SGCG: variants seen among roughly 807,000 people sequenced by gnomAD.
SGCG encodes gamma-sarcoglycan.
In SGCG, 26 loss-of-function variants were observed where a neutral mutation model predicts 29.3. The observed-to-expected ratio is 0.89, with a 90% confidence interval of 0.65 to 1.23. The LOEUF is 1.23. Among genes scored for constraint, SGCG ranks in the 50% most tolerant of loss-of-function variants. SGCG has a pLI of 0.00. For missense variants in SGCG, 353 were observed against 356.0 expected (o/e 0.99, Z 0.07); for synonymous variants, 145 against 129.7 (o/e 1.12, Z -0.80).
chr13:23,181,977 G>A (rs771764533), intron 1 of SGCG, among the ~76,000 whole-genome samples: 49 of 152,110 alleles, frequency 3.2e-4, no homozygotes, highest in Non-Finnish European at 6.5e-4. Flanking sequence ...AATGCTACAA[G>A]TTGGGGTTCG....
At chr13:23,319,527 T>A (rs1189683310) in intron 6 of SGCG, among the ~76,000 whole-genome samples, 1 of 152,138 alleles carries the variant, frequency 6.6e-6, no homozygotes. Flanking sequence ...TAAAAAAAAC[T>A]TGCCAATTCA....
At chr13:23,161,364 T>G in the SGCG span, among the ~76,000 whole-genome samples, 7 of 152,252 alleles carry the variant, frequency 4.6e-5, no homozygotes, top group Non-Finnish European at 1.0e-4. Context: ...AGTTGATCTG[T>G]GAAACATCTA....
At chr13:23,248,034 GAAGGCCAAA>G (rs113098964) in intron 3 of SGCG, among the ~76,000 whole-genome samples, 36,424 of 150,532 alleles carry the variant, frequency 0.24, 4,674 homozygotes, top group South Asian at 0.39. Flanking sequence ...CAGCACTTTG[GAAGGCCAAA>G]GCGGGTGGAT....
intron 6 of SGCG, among the ~76,000 whole-genome samples, chr13:23,312,537 C>T (rs1303830598): frequency 1.3e-5 from 2 of 152,284 alleles, no homozygotes; most frequent in Admixed American, 1.3e-4. Context: ...CATGTTCTCA[C>T]TTATAGATGG....
At chr13:23,208,780 T>G (rs1878077454) in intron 2 of SGCG, among the ~76,000 whole-genome samples, 2 of 152,186 alleles carry the variant, frequency 1.3e-5, no homozygotes, top group South Asian at 4.1e-4. Context: ...ACACGGTTAT[T>G]AAATCAGTGT....
intron 5 of SGCG, among the ~76,000 whole-genome samples, chr13:23,291,537 G>A (rs192336340): frequency 2.9e-4 from 44 of 152,180 alleles, no homozygotes; most frequent in Admixed American, 2.1e-3. Context: ...TTAACTTTGA[G>A]GCTGAATAGT....
intron 2 of SGCG, 90 bp downstream of exon 2, chr13:23,203,979 A>G: frequency 2.1e-6 from 2 of 959,116 alleles, no homozygotes; most frequent in African/African-American, 1.6e-5. Context: ...TTCCTTTTGT[A>G]ATTAACATTC....
intron 3 of SGCG, chr13:23,244,125 A>G (rs1200704130): frequency 6.6e-6 from 1 of 152,198 alleles, no homozygotes; most frequent in Non-Finnish European, 1.5e-5. Flanking sequence ...AAAATTAGTG[A>G]ATTCCTTTTG....
the SGCG span, among the ~76,000 whole-genome samples, chr13:23,171,419 T>A: frequency 4.6e-5 from 7 of 152,216 alleles, no homozygotes; most frequent in Non-Finnish European, 1.0e-4. Context: ...CTTCAAAGCC[T>A]GAGATTTTTG....
rs944467638 is a variant in SGCG, at chr13:23,248,000, T to C, written c.298-2630T>C. Among the ~76,000 whole-genome samples, 7 of 143,188 alleles carry C rather than the reference T, an allele frequency of 4.9e-5. No individual in the cohort carries two copies. The Admixed American group carries it at 5.0e-4, about 10-fold the overall frequency. 93.9% of individuals were successfully genotyped at this position (143,188 alleles called of 152,430 possible). A position where few individuals can be genotyped will look rare whatever the true frequency, so the allele number is the denominator to read the frequency against. ...GTTTTTTAACAAAAAATAGGCCAGA[T>C]GTAGTGGCTCACGCCTGTAATCCCA... On this transcript the variant is annotated intron_variant, in intron 3 of 7. Transcript: ENST00000218867.
At chr13:23,202,230 G>A (rs9317551) in intron 1 of SGCG, among the ~76,000 whole-genome samples, 49,808 of 152,074 alleles carry the variant, frequency 0.33, 8,418 homozygotes, top group East Asian at 0.41. Context: ...TCACTGTGGC[G>A]AAAAGCCATC....
chr13:23,305,479 T>C (rs1157347273), intron 6 of SGCG, among the ~76,000 whole-genome samples: 3 of 152,210 alleles, frequency 2.0e-5, no homozygotes, highest in Non-Finnish European at 4.4e-5. Flanking sequence ...ATAGGTATAG[T>C]TTTACACCTT....
intron 2 of SGCG, among the ~76,000 whole-genome samples, chr13:23,212,411 T>C (rs1005474610): frequency 1.3e-5 from 2 of 152,206 alleles, no homozygotes; most frequent in Non-Finnish European, 2.9e-5. Context: ...TTGTTAAATG[T>C]CTGCTAACCC....
At chr13:23,207,111 AAGAAAGGCATAT>A (rs1333504851) in intron 2 of SGCG, among the ~76,000 whole-genome samples, 3 of 152,232 alleles carry the variant, frequency 2.0e-5, no homozygotes, top group African/African-American at 7.2e-5. Flanking sequence ...TACTGGCATA[AAGAAAGGCATAT>A]AGACCACTGG....
At chr13:23,165,212 G>T in the SGCG span, among the ~76,000 whole-genome samples, 4 of 152,140 alleles carry the variant, frequency 2.6e-5, no homozygotes, top group Non-Finnish European at 4.4e-5. Context: ...TTTCATATTT[G>T]TAGAAAATGT....
intron 1 of SGCG, among the ~76,000 whole-genome samples, chr13:23,182,682 T>TAGTAATTTAGTAATTTAGTAATTTA (rs1876789329): frequency 6.6e-6 from 1 of 152,202 alleles, no homozygotes; most frequent in Admixed American, 6.5e-5. Context: ...TTTAGTAATT[T>TAGTAATTTAGTAATTTAGTAATTTA]GTGAATGGTA....
chr13:23,210,548 G>A (rs879890052), intron 2 of SGCG, among the ~76,000 whole-genome samples: 12 of 151,970 alleles, frequency 7.9e-5, no homozygotes, highest in Non-Finnish European at 1.2e-4. Flanking sequence ...AACATTAGCC[G>A]GGCGTGGTGG....
At chr13:23,240,826 C>A (rs904627639) in intron 3 of SGCG, among the ~76,000 whole-genome samples, 1 of 152,030 alleles carries the variant, frequency 6.6e-6, no homozygotes, top group Admixed American at 6.5e-5. Flanking sequence ...AGTGCTTAGA[C>A]GGAAATTTAT....
intron 1 of SGCG, among the ~76,000 whole-genome samples, chr13:23,184,862 G>A (rs1281931301): frequency 1.3e-5 from 2 of 152,178 alleles, no homozygotes; most frequent in African/African-American, 4.8e-5. Flanking sequence ...GGAACCTGAT[G>A]TGAGATAGTG....
Sources: gnomAD v4.1 joint callset for allele counts (sites outside exome capture counted in the v4.1 genomes callset) on GRCh38, gnomAD v4.1.1 for gene constraint, MANE v1.5 for transcripts, NCBI Gene and HGNC (gene_info 2026-07-23, HGNC 2026-07-21) for gene names.